Variants in VEPH1 observed in about 807,000 individuals in gnomAD.
VEPH1 encodes the protein ventricular zone expressed PH domain containing 1.
A neutral mutation model predicts 85.2 loss-of-function variants in VEPH1; 80 were observed. That is an observed-to-expected ratio of 0.94 (90% CI 0.78 to 1.13). The LOEUF (loss-of-function observed/expected upper bound fraction) is 1.13, where lower values mean the gene tolerates loss of function less well. Among genes scored for constraint, VEPH1 ranks in the 50% most tolerant of loss-of-function variants. The pLI is 0.00. For synonymous variants in VEPH1, 297 were observed against 348.0 expected, an observed-to-expected ratio of 0.85 and a Z score of 1.63; for missense variants, 955 against 980.5, an observed-to-expected ratio of 0.97 and a Z score of 0.35.
intron 5 of VEPH1, among the ~76,000 whole-genome samples, chr3:157,422,437 C>T (rs1474894909): frequency 1.3e-5 from 2 of 152,188 alleles, no homozygotes; most frequent in East Asian, 1.9e-4. Flanking sequence ...TATATAGTGC[C>T]TGGTATATGG....
intron 12 of VEPH1, among the ~76,000 whole-genome samples, chr3:157,267,045 G>A (rs1295594715): frequency 4.0e-5 from 6 of 150,930 alleles, no homozygotes; most frequent in Admixed American, 2.0e-4. Flanking sequence ...GCATTTTCAG[G>A]ATAAAAATAA....
rs531401026 is a variant in VEPH1 at position 157,489,746 on chromosome 3, T to C, written c.138+5466A>G. On this transcript the variant is annotated intron_variant, in intron 2 of 13. Coordinates refer to ENST00000362010, the MANE Select transcript of VEPH1 (RefSeq NM_001167912.2). ...TTTGTCTTTTTTGATTACCCTTCTA[T>C]CCTAGCATCCAGTACAGTGTCTGAA... is the stretch of plus-strand genomic sequence containing the variant. Among the ~76,000 whole-genome samples the C allele has an allele frequency of 1.1e-3, 171 of 152,010 alleles. 1 individual carries two copies. Among genetic ancestry groups the C allele is most frequent in the African/African-American group, 4.0e-3 (165 of 41,486 alleles).
intron 11 of VEPH1, among the ~76,000 whole-genome samples, chr3:157,305,615 T>G (rs1183140407): frequency 6.6e-6 from 1 of 152,228 alleles, no homozygotes; most frequent in South Asian, 2.1e-4. Flanking sequence ...TTCTTAGAAG[T>G]GGAATCACTG....
chr3:157,452,634 G>T (rs777849919), intron 4 of VEPH1, among the ~76,000 whole-genome samples: 1 of 152,032 alleles, frequency 6.6e-6, no homozygotes, highest in Non-Finnish European at 1.5e-5. Flanking sequence ...CTATGTTTTG[G>T]CATTATCTCA....
chr3:157,417,232 G>T (rs1436400036), intron 5 of VEPH1, among the ~76,000 whole-genome samples: 1 of 152,104 alleles, frequency 6.6e-6, no homozygotes, highest in Non-Finnish European at 1.5e-5. Context: ...CAAACATAGG[G>T]CATTTCCTTA....
intron 5 of VEPH1, among the ~76,000 whole-genome samples, chr3:157,417,068 G>GC (rs2109051304): frequency 6.9e-6 from 1 of 145,886 alleles, no homozygotes; most frequent in African/African-American, 2.5e-5. Flanking sequence ...AACAAAAGTT[G>GC]TTTTTTTTTT....
chr3:157,395,136 A>G (rs1469389567), intron 6 of VEPH1, among the ~76,000 whole-genome samples: 1 of 152,210 alleles, frequency 6.6e-6, no homozygotes, highest in African/African-American at 2.4e-5. Flanking sequence ...CCTTGGTCAA[A>G]AGCAATGCTA....
chr3:157,438,123 G>A lies in VEPH1; in HGVS notation c.530-9635C>T, dbSNP rs528614608. Among the ~76,000 whole-genome samples the A allele has an allele frequency of 2.0e-5, 3 of 151,644 alleles. No homozygotes were observed. The East Asian group carries it at 5.9e-4, about 30-fold the overall frequency. ...GAGCTCAGGCACACCATACAAGGCG[G>A]GAAAATTGGCTTTAAAAAAGTATTC... is the stretch of plus-strand genomic sequence containing the variant. On this transcript the variant is annotated intron_variant, in intron 4 of 13. Transcript: ENST00000362010.
intron 2 of VEPH1, among the ~76,000 whole-genome samples, chr3:157,486,781 C>T (rs1738697330): frequency 6.6e-6 from 1 of 152,118 alleles, no homozygotes; most frequent in African/African-American, 2.4e-5. Context: ...GCCATAAACT[C>T]TGTAACAAAG....
rs1420353056 is a variant in VEPH1, at chr3:157,381,181, C to T, written c.1102G>A (p.Glu368Lys). The change falls in exon 7 of 14, where the codon GAA (glutamate) becomes AAA (lysine). Residue 368 changes from glutamate to lysine, a missense_variant. Coordinates refer to ENST00000362010, the MANE Select transcript of VEPH1 (RefSeq NM_001167912.2). ...CTGCCACTTCCAGCCTTGGTATTTT[C>T]CAGTTGTCGGGTAAGGAGTTTAGCA... is the stretch of plus-strand genomic sequence containing the variant. ...AIAKLLTRQLENTKAGSGRRK... is the reference protein window; with the variant it reads ...AIAKLLTRQLKNTKAGSGRRK... 6.2e-7 allele frequency: 1 copy of T among 1,613,822 alleles called. No individual in the cohort carries two copies. The highest frequency in any genetic ancestry group is 1.7e-4 in the Middle Eastern group (1 of 5,812).
At chr3:157,264,168 A>G (rs532736062) in intron 13 of VEPH1, among the ~76,000 whole-genome samples, 26 of 152,322 alleles carry the variant, frequency 1.7e-4, no homozygotes, top group African/African-American at 6.3e-4. Flanking sequence ...TTGCACTGAG[A>G]CATGCATTCT....
chr3:157,393,421 G>A (rs923526739), intron 6 of VEPH1, among the ~76,000 whole-genome samples: 13 of 152,094 alleles, frequency 8.5e-5, no homozygotes, highest in African/African-American at 3.1e-4. Flanking sequence ...GCATAGAGTA[G>A]GTGACAAAAC....
intron 12 of VEPH1, among the ~76,000 whole-genome samples, chr3:157,285,982 G>T (rs1559924910): frequency 6.6e-6 from 1 of 152,200 alleles, no homozygotes; most frequent in Non-Finnish European, 1.5e-5. Flanking sequence ...GATATGTTTA[G>T]CACAGGGCAT....
chr3:157,478,333 C>T (rs1467243036), intron 2 of VEPH1, among the ~76,000 whole-genome samples: 2 of 152,242 alleles, frequency 1.3e-5, no homozygotes, highest in Non-Finnish European at 2.9e-5. Flanking sequence ...TTCATCTACC[C>T]CCTAACAGGT....
chr3:157,443,535 A>G (rs1227525872), intron 4 of VEPH1: 1 of 152,646 alleles, frequency 6.6e-6, no homozygotes, highest in African/African-American at 2.4e-5. Context: ...ATTTGTATTA[A>G]TTTAAGACTA....
In VEPH1 at chr3:157,459,732, T is replaced by C. The variant is rs779124662; in HGVS notation, c.529+449A>G. The C allele has an allele frequency of 3.7e-5, 52 of 1,422,662 alleles. No individual in the cohort carries two copies. The Admixed American group carries it at 4.4e-4, about 12-fold the overall frequency. The allele number at this position is 1,422,662 out of a possible 1,614,324, so 88.1% of individuals were successfully genotyped here. A position where few individuals can be genotyped will look rare whatever the true frequency, so the allele number is the denominator to read the frequency against. Reference sequence around the variant, plus strand: ...ATTTATGCTTGTTATCCAAATCATGTTCACATTTAAGAAGTCATTACACAT... The same window carrying C: ...ATTTATGCTTGTTATCCAAATCATGCTCACATTTAAGAAGTCATTACACAT... On this transcript the variant is annotated intron_variant, in intron 4 of 13. Transcript: ENST00000362010.
intron 2 of VEPH1, chr3:157,493,317 A>C: frequency 2.2e-6 from 1 of 456,202 alleles, no homozygotes; most frequent in Non-Finnish European, 4.4e-6. Flanking sequence ...GAGAAGTGGA[A>C]TTGATTACTG....
At chr3:157,371,211 C>T (rs1300817645) in intron 7 of VEPH1, among the ~76,000 whole-genome samples, 1 of 152,208 alleles carries the variant, frequency 6.6e-6, no homozygotes, top group Admixed American at 6.5e-5. Flanking sequence ...AAGAGAGGGA[C>T]TCTCCTACTC....
chr3:157,394,674 G>T (rs745859250), intron 6 of VEPH1, among the ~76,000 whole-genome samples: 5 of 152,138 alleles, frequency 3.3e-5, no homozygotes, highest in Non-Finnish European at 5.9e-5. Context: ...GCAGAACAAG[G>T]GTGGGAAGGT....
Sources: allele counts gnomAD v4.1 joint callset (sites outside exome capture counted in the v4.1 genomes callset), GRCh38; gene constraint gnomAD v4.1.1; transcripts MANE v1.5; gene names NCBI Gene and HGNC (gene_info 2026-07-23, HGNC 2026-07-21).